UPF1: variants seen among roughly 807,000 people sequenced by gnomAD.
The protein encoded by UPF1 is UPF1 RNA helicase and ATPase, also known as regulator of nonsense transcripts 1.
A neutral mutation model predicts 129.2 loss-of-function variants in UPF1; 9 were observed. That is an observed-to-expected ratio of 0.07 (90% CI 0.04 to 0.12). The LOEUF is 0.12. Among genes scored for constraint, UPF1 ranks in the 10% least tolerant of loss-of-function variants. UPF1 has a pLI of 1.00. For synonymous variants in UPF1, 649 were observed against 644.9 expected, an observed-to-expected ratio of 1.01 and a Z score of -0.10; for missense variants, 788 against 1,525.3, an observed-to-expected ratio of 0.52 and a Z score of 8.05.
chr19:18,855,701 A>C, intron 11 of UPF1: 1 of 609,514 alleles, frequency 1.6e-6, no homozygotes, highest in Non-Finnish European at 2.8e-6. Context: ...TTCAGAAATT[A>C]GCTGGGGGTA....
intron 8 of UPF1, 125 bp from the exon 9 acceptor site, chr19:18,854,476 T>G (rs1488661695): frequency 1.4e-6 from 1 of 724,878 alleles, no homozygotes; most frequent in African/African-American, 1.8e-5. Flanking sequence ...TAGCGTTTGG[T>G]GCAGAGCCAG....
At chr19:18,846,176 TG>T in intron 2 of UPF1, 57 bp downstream of exon 2, 1 of 1,604,966 alleles carries the variant, frequency 6.2e-7, no homozygotes, top group Non-Finnish European at 8.5e-7. Context: ...GCCTCTGGCA[TG>T]GGCCTGGGAC....
intron 2 of UPF1, 39 bp downstream of exon 2, chr19:18,846,158 A>AGGTG: frequency 6.2e-7 from 1 of 1,610,876 alleles, no homozygotes; most frequent in Non-Finnish European, 8.5e-7. Flanking sequence ...TGTGCTGGAC[A>AGGTG]GGTGGGTGCC....
At chr19:18,856,433 C>G in intron 13 of UPF1, 133 bp downstream of exon 13, 1 of 837,912 alleles carries the variant, frequency 1.2e-6, no homozygotes, top group Non-Finnish European at 1.8e-6. Flanking sequence ...CTTGGCCTCT[C>G]TGCGCTCAGT....
chr19:18,862,955 G>GCGC (rs1362211678), intron 18 of UPF1: 1 of 155,026 alleles, frequency 6.5e-6, no homozygotes, highest in Non-Finnish European at 1.4e-5. Flanking sequence ...CGGCTCATAT[G>GCGC]CGCGGTGGTT....
rs1400771878 is a variant in UPF1 at position 18,832,826 on chromosome 19, C to T, written c.231+386C>T. Among the ~76,000 whole-genome samples the T allele has an allele frequency of 1.3e-5, 2 of 152,198 alleles. No individual in the cohort carries two copies. Among genetic ancestry groups the T allele is most frequent in the Non-Finnish European group, 2.9e-5 (2 of 68,028 alleles). ...GGCCCGGGCTGACCTGCCTTGTGTC[C>T]CACAATCAGTCTGGCCTGGAGTAAC... On this transcript the variant is annotated intron_variant, in intron 1 of 23. Transcript: ENST00000262803. The surrounding 1 kb of genome is among the most constrained non-coding windows in gnomAD (Gnocchi z 5.6).
In UPF1 at chr19:18,853,559, C is replaced by G. The variant is rs961603018; in HGVS notation, c.1156+209C>G. ...AGCTGGTTGTATGGTTGCTTCCCCTCTGCCCGAATGGTGATGTTGGTGATG... is the reference window on the plus strand; with the variant it reads ...AGCTGGTTGTATGGTTGCTTCCCCTGTGCCCGAATGGTGATGTTGGTGATG... On this transcript the variant is annotated intron_variant, in intron 8 of 23. Coordinates refer to ENST00000262803, the MANE Select transcript of UPF1 (RefSeq NM_002911.4). The surrounding 1 kb of genome is among the most constrained non-coding windows in gnomAD (Gnocchi z 4.4). Among the ~76,000 whole-genome samples, 1 of 152,240 alleles carries G rather than the reference C, an allele frequency of 6.6e-6. No homozygotes were observed. Among genetic ancestry groups the G allele is most frequent in the Non-Finnish European group, 1.5e-5 (1 of 68,044 alleles).
At chr19:18,861,534 G>A (rs1452965100) in intron 17 of UPF1, among the ~76,000 whole-genome samples, 7 of 152,210 alleles carry the variant, frequency 4.6e-5, no homozygotes, top group African/African-American at 1.2e-4. Flanking sequence ...ACAAATCTCC[G>A]TGGCTAAAAG....
Position 18,838,943 on chromosome 19 carries a change from G to A in UPF1, c.231+6503G>A, listed in dbSNP as rs541999905. Among the ~76,000 whole-genome samples, 4 of 152,000 alleles carry A rather than the reference G, an allele frequency of 2.6e-5. 1 individual carries two copies. In the Middle Eastern group the frequency reaches 0.014, roughly 517 times the overall value. ...TAATTACCCGGATTCAGGATGACGG[G>A]GTGGGGGATTATGACTAATACTATA... is the stretch of plus-strand genomic sequence containing the variant. On this transcript the variant is annotated intron_variant, in intron 1 of 23. Coordinates refer to ENST00000262803, the MANE Select transcript of UPF1 (RefSeq NM_002911.4).
intron 6 of UPF1, 54 bp downstream of exon 6, chr19:18,852,350 C>T: frequency 1.3e-6 from 2 of 1,590,566 alleles, no homozygotes; most frequent in Admixed American, 3.7e-5. Context: ...TCACAGCTCT[C>T]TCCTCAGGCT....
chr19:18,861,176 A>G (rs191863935), intron 17 of UPF1, among the ~76,000 whole-genome samples, 194 bp downstream of exon 17: 1 of 152,264 alleles, frequency 6.6e-6, no homozygotes, highest in Admixed American at 6.5e-5. Flanking sequence ...CCACATGATC[A>G]GGACAGAGAC....
chr19:18,843,717 TTGTGTGTGTGTG>T lies in UPF1; in HGVS notation c.232-2239_232-2228del, dbSNP rs72080135. Reference sequence around the variant, plus strand: ...TGGGGTTTTGCCATGTTGGCCAGGCTTGTGTGTGTGTGTGTGTGTGTGTGTGTGTGTGTGTTG... The same window carrying T: ...TGGGGTTTTGCCATGTTGGCCAGGCTTGTGTGTGTGTGTGTGTGTGTGTTG... On this transcript the variant is annotated intron_variant, in intron 1 of 23. Transcript: ENST00000262803. 1.8e-4 allele frequency among the ~76,000 whole-genome samples: 26 copies of T among 144,076 alleles called. No homozygotes were observed. The South Asian group carries it at 4.7e-3, about 26-fold the overall frequency. 94.5% of individuals were successfully genotyped at this position (144,076 alleles called of 152,430 possible).
chr19:18,847,295 C>T (rs763580542), intron 2 of UPF1, among the ~76,000 whole-genome samples: 3 of 152,182 alleles, frequency 2.0e-5, no homozygotes, highest in South Asian at 2.1e-4. Context: ...GAGGCTCTCC[C>T]GAGGCTCCTC....
chr19:18,842,894 G>A (rs190346837), intron 1 of UPF1, among the ~76,000 whole-genome samples: 110 of 152,142 alleles, frequency 7.2e-4, no homozygotes, highest in Middle Eastern at 6.8e-3. Flanking sequence ...GGCTGAGGCA[G>A]GAGAATCGCT....
intron 3 of UPF1, among the ~76,000 whole-genome samples, chr19:18,848,812 C>T (rs534416151): frequency 6.6e-6 from 1 of 152,196 alleles, no homozygotes; most frequent in Non-Finnish European, 1.5e-5. Flanking sequence ...AAAAGACATT[C>T]TTGTCCCATT....
chr19:18,845,427 C>G (rs1014391678), intron 1 of UPF1, among the ~76,000 whole-genome samples: 1 of 152,190 alleles, frequency 6.6e-6, no homozygotes, highest in African/African-American at 2.4e-5. Flanking sequence ...GAGGCGCCTT[C>G]AGTGAGGGTG....
In UPF1 at chr19:18,832,302, C is replaced by T; in HGVS notation, c.93C>T (p.Ser31=). 3 of 1,533,982 alleles carry T rather than the reference C, an allele frequency of 2.0e-6. No homozygotes were observed. The highest frequency in any genetic ancestry group is 1.8e-6 in the Non-Finnish European group (2 of 1,138,116). The change falls in exon 1 of 24, where the codon TCC becomes TCT. Residue 31 remains serine (S), a synonymous_variant. Coordinates refer to ENST00000262803, the MANE Select transcript of UPF1 (RefSeq NM_002911.4). This position sits in a 1 kb window ranked among gnomAD's most constrained non-coding sequence, Gnocchi z 5.6. ...TGCTTGGCGCCGACACACAGGGCTC[C>T]GAGTTCGAGTTCACCGACTTTACTC... The part of the protein sequence containing the change: ...AELLGADTQG[S]EFEFTDFTLP...
Position 18,856,109 on chromosome 19 carries a change from C to T in UPF1, c.1709+20C>T, listed in dbSNP as rs2055714744. 1.9e-6 allele frequency: 3 copies of T among 1,610,020 alleles called. No homozygotes were observed. Among genetic ancestry groups the T allele is most frequent in the East Asian group, 2.2e-5 (1 of 44,744 alleles). ...GGACAGGTGTGTGTCGAGTCCATCC[C>T]TCCCAGTTGGTCCCTGAGCTTCTGC... On this transcript the variant is annotated intron_variant, in intron 12 of 23. Coordinates refer to ENST00000262803, the MANE Select transcript of UPF1 (RefSeq NM_002911.4).
chr19:18,863,064 G>A (rs937368574), intron 18 of UPF1: 3 of 198,424 alleles, frequency 1.5e-5, no homozygotes, highest in Non-Finnish European at 2.1e-5. Context: ...CCACAGCTTC[G>A]TGAGGTGGGC....
Sources: allele counts gnomAD v4.1 joint callset (sites outside exome capture counted in the v4.1 genomes callset), GRCh38; gene constraint gnomAD v4.1.1; non-coding constraint Gnocchi (gnomAD v3.1); transcripts MANE v1.5; gene names NCBI Gene and HGNC (gene_info 2026-07-23, HGNC 2026-07-21).